Variants in RORA observed in about 807,000 individuals in gnomAD.
The protein encoded by RORA is nuclear receptor ROR-alpha.
In RORA, 7 loss-of-function variants were observed where a neutral mutation model predicts 69.5. The observed-to-expected ratio is 0.10, with a 90% CI of 0.06 to 0.19. The LOEUF (loss-of-function observed/expected upper bound fraction) is 0.19. Among genes scored for constraint, RORA ranks in the 10% least tolerant of loss-of-function variants. The probability of loss-of-function intolerance (pLI) is 1.00; values close to 1 mark genes in which losing one functional copy is unlikely to be tolerated. For synonymous variants in RORA, 261 were observed against 240.8 expected (o/e 1.08, Z -0.78); for missense variants, 457 against 663.0 (o/e 0.69, Z 3.41).
chr15:60,516,222 TTTATATATATATTTATATA>T lies in RORA; in HGVS notation c.283-1484_283-1466del, dbSNP rs1567052625. On this transcript the variant is annotated intron_variant, in intron 3 of 10. Transcript: ENST00000335670. ...TTATATATATATTTATATATATATATTTATATATATATTTATATATATATATTTATATATATATATTTAT... is the reference window on the plus strand; with the variant it reads ...TTATATATATATTTATATATATATATTATATATTTATATATATATATTTAT... 1.3e-3 allele frequency among the ~76,000 whole-genome samples: 18 copies of T among 13,914 alleles called. 1 individual carries two copies. Among genetic ancestry groups the T allele is most frequent in the African/African-American group, 4.2e-3 (17 of 4,006 alleles). The allele number at this position is 13,914 out of a possible 152,430, so 9.1% of individuals were successfully genotyped here.
rs8024716 is a variant in RORA, at chr15:61,147,012, T to C, written c.166+82041A>G. Among the ~76,000 whole-genome samples, 96,171 of 150,838 alleles carry C rather than the reference T, an allele frequency of 0.64. 32,546 individuals carry two copies. The highest frequency in any genetic ancestry group is 0.77 in the Non-Finnish European group (52,409 of 67,772). ...AAGAAAACCCTCTTCAGGCTATTCA[T>C]GGTGGGGGGCAGTCACGGGGGAACT... On this transcript the variant is annotated intron_variant, in intron 1 of 10. Transcript: ENST00000335670. The surrounding 1 kb of genome is among the most constrained non-coding windows in gnomAD (Gnocchi z 4.1).
In RORA at chr15:60,839,993, C is replaced by T. The variant is rs115632544; in HGVS notation, c.167-161307G>A. On this transcript the variant is annotated intron_variant, in intron 1 of 10. Coordinates refer to ENST00000335670, the MANE Select transcript of RORA (RefSeq NM_134261.3). ...ACTGGAGGAGGAAGTAAGAGTTACGCCCTGTTGTGGGTAGCAGGCAGGGGC... is the reference window on the plus strand; with the variant it reads ...ACTGGAGGAGGAAGTAAGAGTTACGTCCTGTTGTGGGTAGCAGGCAGGGGC... Among the ~76,000 whole-genome samples, 977 of 152,162 alleles carry T rather than the reference C, an allele frequency of 6.4e-3. 13 individuals carry two copies. Among genetic ancestry groups the T allele is most frequent in the African/African-American group, 0.022 (933 of 41,498 alleles).
chr15:60,615,027 G>C, intron 2 of RORA: 1 of 1,611,882 alleles, frequency 6.2e-7, no homozygotes, highest in Non-Finnish European at 8.5e-7. Context: ...AGGTTGAAGA[G>C]CTGTCAGGGA....
intron 1 of RORA, among the ~76,000 whole-genome samples, chr15:61,087,699 T>C (rs2078645240): frequency 6.6e-6 from 1 of 152,224 alleles, no homozygotes; most frequent in Admixed American, 6.5e-5. Flanking sequence ...GTCACTAATG[T>C]TAATATATGT....
chr15:60,542,695 G>A (rs1400108773), intron 2 of RORA, among the ~76,000 whole-genome samples: 7 of 124,638 alleles, frequency 5.6e-5, no homozygotes, highest in African/African-American at 2.3e-4. Context: ...TCCCACACAC[G>A]GCACACGGGC....
intron 1 of RORA, among the ~76,000 whole-genome samples, chr15:60,917,584 T>C (rs1200667615): frequency 6.6e-6 from 1 of 152,168 alleles, no homozygotes; most frequent in Non-Finnish European, 1.5e-5. Context: ...CAGCTCTATC[T>C]GGGAGAAAGT....
intron 1 of RORA, among the ~76,000 whole-genome samples, chr15:60,944,166 T>C (rs1892792406): frequency 6.6e-6 from 1 of 152,108 alleles, no homozygotes; most frequent in Non-Finnish European, 1.5e-5. Context: ...GAAAAGCACC[T>C]GGGGAGCTTT....
chr15:60,655,653 T>C (rs2070210554), intron 2 of RORA, among the ~76,000 whole-genome samples: 1 of 152,150 alleles, frequency 6.6e-6, no homozygotes, highest in African/African-American at 2.4e-5. Context: ...TAGAAGTCAG[T>C]CTCCTACTAC....
intron 1 of RORA, among the ~76,000 whole-genome samples, chr15:60,693,445 G>A (rs1340870982): frequency 6.6e-6 from 1 of 152,108 alleles, no homozygotes; most frequent in African/African-American, 2.4e-5. Context: ...GGAAATTCTG[G>A]CCAAGGCAGT....
intron 1 of RORA, among the ~76,000 whole-genome samples, chr15:61,171,337 TG>T (rs1447623822): frequency 6.6e-6 from 1 of 152,142 alleles, no homozygotes; most frequent in Non-Finnish European, 1.5e-5. Flanking sequence ...TCTGGGGCAA[TG>T]GTTCTCAGCC....
At chr15:61,139,918 A>G (rs1490386590) in intron 1 of RORA, among the ~76,000 whole-genome samples, 1 of 152,188 alleles carries the variant, frequency 6.6e-6, no homozygotes, top group East Asian at 1.9e-4. Context: ...AATGAATTGG[A>G]TTGAAAGGAA....
At chr15:60,908,547 T>C (rs911472217) in intron 1 of RORA, among the ~76,000 whole-genome samples, 2 of 152,176 alleles carry the variant, frequency 1.3e-5, no homozygotes, top group Admixed American at 6.5e-5. Flanking sequence ...TTTGGGAAGC[T>C]ACAGTAAATG....
At chr15:60,672,853 A>G (rs530386834) in intron 2 of RORA, among the ~76,000 whole-genome samples, 3 of 152,368 alleles carry the variant, frequency 2.0e-5, no homozygotes, top group African/African-American at 7.2e-5. Flanking sequence ...AAGTAATGGT[A>G]CTACTGCTAT....
chr15:61,184,737 T>C (rs4775373), intron 1 of RORA, among the ~76,000 whole-genome samples: 89,214 of 151,860 alleles, frequency 0.59, 26,682 homozygotes, highest in East Asian at 0.69. Context: ...GTAATCCCAG[T>C]GCTTTGGAAA....
chr15:61,010,480 C>T (rs570607269), intron 1 of RORA, among the ~76,000 whole-genome samples: 31 of 152,230 alleles, frequency 2.0e-4, no homozygotes, highest in Non-Finnish European at 3.2e-4. Flanking sequence ...TACTCTCTAT[C>T]GAAGAAACAA....
At chr15:61,092,978 T>C (rs1437535) in intron 1 of RORA, among the ~76,000 whole-genome samples, 91,862 of 151,800 alleles carry the variant, frequency 0.61, 27,971 homozygotes, top group Admixed American at 0.69. Context: ...AGTATGACAT[T>C]GCACCTCCCA....
At chr15:61,142,497 TTTAAG>T (rs1239397179) in intron 1 of RORA, among the ~76,000 whole-genome samples, 5 of 152,136 alleles carry the variant, frequency 3.3e-5, no homozygotes, top group Non-Finnish European at 5.9e-5. Flanking sequence ...AAAGAAAACT[TTTAAG>T]TTATTTTTCC....
At chr15:60,951,920 A>C (rs1893111817) in intron 1 of RORA, among the ~76,000 whole-genome samples, 1 of 150,526 alleles carries the variant, frequency 6.6e-6, no homozygotes, top group Non-Finnish European at 1.5e-5. Context: ...AAAAGAGGGA[A>C]TCCTCCCTAA....
At chr15:60,805,411 T>C (rs2072646491) in intron 1 of RORA, among the ~76,000 whole-genome samples, 1 of 152,156 alleles carries the variant, frequency 6.6e-6, no homozygotes, top group Non-Finnish European at 1.5e-5. Context: ...ATGTAGGAAA[T>C]GCAGGGAGAA....
Sources: allele counts gnomAD v4.1 joint callset (sites outside exome capture counted in the v4.1 genomes callset), GRCh38; gene constraint gnomAD v4.1.1; non-coding constraint Gnocchi (gnomAD v3.1); transcripts MANE v1.5; gene names NCBI Gene and HGNC (gene_info 2026-07-23, HGNC 2026-07-21).